The following EPHB6 variants were observed in gnomAD, a reference collection of about 807,000 sequenced individuals.
EPHB6 encodes the protein ephrin type-B receptor 6.
EPHB6 carries 51 observed loss-of-function variants against 107.0 expected under a neutral mutation model. That is an observed-to-expected ratio of 0.48 (90% confidence interval 0.38 to 0.60). EPHB6 has a LOEUF of 0.60. EPHB6 is among the 20% of genes least tolerant of loss of function. The pLI, the probability that EPHB6 is intolerant of heterozygous loss-of-function variation, is 0.00. For synonymous variants in EPHB6, 553 were observed against 549.0 expected (o/e 1.01, Z -0.10); for missense variants, 1,141 against 1,355.5 (o/e 0.84, Z 2.48).
intron 3 of EPHB6, among the ~76,000 whole-genome samples, chr7:142,862,423 T>C (rs1802883743): frequency 6.6e-6 from 1 of 152,222 alleles, no homozygotes; most frequent in Admixed American, 6.5e-5. Flanking sequence ...TAGGAAAACA[T>C]GCACCCCTTG....
In EPHB6 at chr7:142,866,850, G is replaced by A. The variant is rs541435206; in HGVS notation, c.1588-56G>A. On this transcript the variant is annotated intron_variant, in intron 10 of 19. Transcript: ENST00000652003. The surrounding 1 kb of genome is among the most constrained non-coding windows in gnomAD (Gnocchi z 5.2). ...AGGGAGGGTGGCTGGGGGCCTTAGG[G>A]GCAGAAGCAGGGGCAAGAGGGGGCC... The A allele has an allele frequency of 5.6e-5, 91 of 1,613,686 alleles. No homozygotes were observed. In the East Asian group the frequency reaches 1.9e-3, roughly 33 times the overall value.
At chr7:142,860,372 T>A (rs1251430701) in intron 1 of EPHB6, among the ~76,000 whole-genome samples, 1 of 152,248 alleles carries the variant, frequency 6.6e-6, no homozygotes, top group African/African-American at 2.4e-5. Flanking sequence ...AAGGACTCCG[T>A]GACTCTGGTT....
At position 142,870,410 on chromosome 7, in the gene EPHB6, C is replaced by T. The variant is rs566661863; in HGVS notation, c.2804+3C>T. 1 of 1,614,050 alleles carries T rather than the reference C, an allele frequency of 6.2e-7. No homozygotes were observed. The highest frequency in any genetic ancestry group is 2.2e-5 in the East Asian group (1 of 44,880). On this transcript the variant is annotated splice_donor_region_variant and intron_variant, in intron 18 of 19. Transcript: ENST00000652003. ...GCTGGCGGGGACCCAGGGGAAAGGTCTGGAGCTTGGGGCTAGAGCCTGGGA... is the reference window on the plus strand; with the variant it reads ...GCTGGCGGGGACCCAGGGGAAAGGTTTGGAGCTTGGGGCTAGAGCCTGGGA...
Position 142,868,787 on chromosome 7 carries a change from C to CT in EPHB6, c.2286+50dup, listed in dbSNP as rs1482861917. 6.2e-7 allele frequency: 1 copy of CT among 1,613,312 alleles called. No individual in the cohort carries two copies. The highest frequency in any genetic ancestry group is 1.3e-5 in the African/African-American group (1 of 74,918). ...AGGAGGGTCCTTGGGTCCAGGAAAG[C>CT]TTCCAGGAGACGAGGTCCTGTATCT... On this transcript the variant is annotated intron_variant, in intron 15 of 19. Transcript: ENST00000652003. The surrounding 1 kb of genome is among the most constrained non-coding windows in gnomAD (Gnocchi z 4.2).
rs1802926010 is a variant in EPHB6, at chr7:142,863,188, G to T, written c.-40G>T. 1 of 1,581,752 alleles carries T rather than the reference G, an allele frequency of 6.3e-7. No homozygotes were observed. The highest frequency in any genetic ancestry group is 1.1e-5 in the South Asian group (1 of 90,288). ...AGCTGCAGCCCCACCCAGGAGCAGG[G>T]TGGTGGCTGGGGCGATGGTGGACGC... On this transcript the variant is annotated 5_prime_UTR_variant, in exon 5 of 20. Coordinates refer to ENST00000652003, the MANE Select transcript of EPHB6 (RefSeq NM_004445.6).
intron 7 of EPHB6, among the ~76,000 whole-genome samples, chr7:142,865,067 G>A (rs1187449331): frequency 6.6e-6 from 1 of 152,172 alleles, no homozygotes; most frequent in Non-Finnish European, 1.5e-5. Flanking sequence ...GAGTCCTTTG[G>A]TTCCCATTCG....
In EPHB6 at chr7:142,868,452, G is replaced by A; in HGVS notation, c.2039-40G>A. 3 of 1,614,088 alleles carry A rather than the reference G, an allele frequency of 1.9e-6. No homozygotes were observed. Among genetic ancestry groups the A allele is most frequent in the African/African-American group, 2.7e-5 (2 of 74,996 alleles). On this transcript the variant is annotated intron_variant, in intron 14 of 19. Coordinates refer to ENST00000652003, the MANE Select transcript of EPHB6 (RefSeq NM_004445.6). This position sits in a 1 kb window ranked among gnomAD's most constrained non-coding sequence, Gnocchi z 4.2. ...CCATCCAAACACAGCAGGACGCTGTGAGCCTTGATCCCCACCCCAACCTAC... is the reference window on the plus strand; with the variant it reads ...CCATCCAAACACAGCAGGACGCTGTAAGCCTTGATCCCCACCCCAACCTAC...
In EPHB6 at chr7:142,864,639, G is replaced by A. The variant is rs759619979; in HGVS notation, c.839G>A (p.Gly280Asp). 1 of 1,612,388 alleles carries A rather than the reference G, an allele frequency of 6.2e-7. No homozygotes were observed. Among genetic ancestry groups the A allele is most frequent in the Non-Finnish European group, 8.5e-7 (1 of 1,179,530 alleles). Residue 280 changes from glycine (G) to aspartate (D), a missense_variant, in exon 7 of 20, where the codon GGC (glycine) becomes GAC (aspartate). Gly to Asp is a moderately conservative substitution (Grantham distance 94). Transcript: ENST00000652003. ...EEDGVGGQAG[G>D]SPPRLHCNGE... is the part of the protein sequence containing the mutation. ...GATGGAGTAGGGGGCCAGGCAGGAG[G>A]CAGCCCCCCCAGGCTGCACTGCAAC...
At position 142,869,034 on chromosome 7, in the gene EPHB6, G is replaced by A. The variant is rs1265014690; in HGVS notation, c.2347G>A (p.Ala783Thr). The A allele has an allele frequency of 6.2e-7, 1 of 1,612,794 alleles. No homozygotes were observed. Among genetic ancestry groups the A allele is most frequent in the Non-Finnish European group, 8.5e-7 (1 of 1,179,974 alleles). Residue 783 changes from alanine (A) to threonine (T), a missense_variant, in exon 16 of 20, where the codon GCC (alanine) becomes ACC (threonine). Coordinates refer to ENST00000652003, the MANE Select transcript of EPHB6 (RefSeq NM_004445.6). This position sits in a 1 kb window ranked among gnomAD's most constrained non-coding sequence, Gnocchi z 4.5. ...GGCCATGCAGCGGGGAGTGGCTGCT[G>A]CCATGCAGTACCTGTCCAGCTTTGC... ...LVAMQRGVAA[A>T]MQYLSSFAFV... is the part of the protein sequence containing the mutation.
chr7:142,870,741 G>A (rs1586180968), intron 19 of EPHB6, 55 bp from the exon 20 acceptor site: 10 of 1,614,096 alleles, frequency 6.2e-6, no homozygotes, highest in East Asian at 2.2e-5. Context: ...GCTGGGGGTC[G>A]TATTGGGGAT....
rs755465514 is a variant in EPHB6 at position 142,870,718 on chromosome 7, C to G, written c.2960+33C>G. ...GGGAGTGGTGGGGTGGGGGCGAATG[C>G]TCCAGGCCCCTGGCTGGGGGTCGTA... On this transcript the variant is annotated intron_variant, in intron 19 of 19. Transcript: ENST00000652003. The G allele has an allele frequency of 6.8e-6, 11 of 1,614,052 alleles. No individual in the cohort carries two copies. In the Admixed American group the frequency reaches 1.8e-4, roughly 27 times the overall value.
At chr7:142,857,488 C>T (rs942956979) in intron 1 of EPHB6, among the ~76,000 whole-genome samples, 3 of 152,188 alleles carry the variant, frequency 2.0e-5, no homozygotes, top group Non-Finnish European at 4.4e-5. Flanking sequence ...ATTTCCTGGG[C>T]GTTTAACAGC....
intron 1 of EPHB6, among the ~76,000 whole-genome samples, chr7:142,857,292 A>G (rs530982126): frequency 6.6e-6 from 1 of 152,318 alleles, no homozygotes; most frequent in East Asian, 1.9e-4. Flanking sequence ...TGGCTTCTCC[A>G]GCCAAGGAAG....
chr7:142,867,839 G>C lies in EPHB6; in HGVS notation c.1865+117G>C, dbSNP rs1794687287. 7 of 1,425,252 alleles carry C rather than the reference G, an allele frequency of 4.9e-6. No individual in the cohort carries two copies. The Admixed American group carries it at 1.4e-4, about 28-fold the overall frequency. 88.3% of individuals were successfully genotyped at this position (1,425,252 alleles called of 1,614,324 possible). On this transcript the variant is annotated intron_variant, in intron 12 of 19. Coordinates refer to ENST00000652003, the MANE Select transcript of EPHB6 (RefSeq NM_004445.6). The surrounding 1 kb of genome is among the most constrained non-coding windows in gnomAD (Gnocchi z 5.3). ...CCTCACACTGGTGCTCCTCCCGTCA[G>C]CCAGCCCCTGCCCTGGGCCCCACGT...
At position 142,867,875 on chromosome 7, in the gene EPHB6, A is replaced by G; in HGVS notation, c.1866-122A>G. ...CCCTGGGCCCCACGTGGAGATGGGCAGGAGGGCCAGGCTGTCGTCCCCCCT... is the reference window on the plus strand; with the variant it reads ...CCCTGGGCCCCACGTGGAGATGGGCGGGAGGGCCAGGCTGTCGTCCCCCCT... On this transcript the variant is annotated intron_variant, in intron 12 of 19. Coordinates refer to ENST00000652003, the MANE Select transcript of EPHB6 (RefSeq NM_004445.6). This position sits in a 1 kb window ranked among gnomAD's most constrained non-coding sequence, Gnocchi z 5.3. 6.8e-7 allele frequency: 1 copy of G among 1,471,260 alleles called. No individual in the cohort carries two copies. Among genetic ancestry groups the G allele is most frequent in the Non-Finnish European group, 9.3e-7 (1 of 1,076,674 alleles). The allele number at this position is 1,471,260 out of a possible 1,614,324, so 91.1% of individuals were successfully genotyped here.
chr7:142,858,746 G>A (rs1802721833), intron 1 of EPHB6, among the ~76,000 whole-genome samples: 1 of 151,898 alleles, frequency 6.6e-6, no homozygotes, highest in Non-Finnish European at 1.5e-5. Flanking sequence ...TAACTCGTAA[G>A]CTATGCTTTG....
rs201397299 is a variant in EPHB6, at chr7:142,866,072, C to A, written c.1218C>A (p.Val406=). 1.5e-4 allele frequency: 238 copies of A among 1,611,508 alleles called. 1 individual carries two copies. The East Asian group carries it at 5.1e-3, about 34-fold the overall frequency. The change falls in exon 9 of 20, where the codon GTC becomes GTA. Residue 406 remains valine, a synonymous_variant. Transcript: ENST00000652003. This position sits in a 1 kb window ranked among gnomAD's most constrained non-coding sequence, Gnocchi z 5.2. The stretch of plus-strand genomic sequence containing the variant: ...GTCGAGGGGACCTGCTCTTCAATGT[C>A]GTGTGCAAGGAGTGTGAAGGCCGCC... ...LGGRGDLLFN[V]VCKECEGRQE... is the part of the protein sequence containing the mutation.
In EPHB6 at chr7:142,862,842, G is replaced by T; in HGVS notation, c.-102+9G>T. 9 of 203,466 alleles carry T rather than the reference G, an allele frequency of 4.4e-5. No homozygotes were observed. Among genetic ancestry groups the T allele is most frequent in the Non-Finnish European group, 7.0e-5 (7 of 100,588 alleles). 12.6% of individuals were successfully genotyped at this position (203,466 alleles called of 1,614,324 possible). A position where few individuals can be genotyped will look rare whatever the true frequency, so the allele number is the denominator to read the frequency against. ...AGAAAAAAAAAAAAAGGGTAAGATT[G>T]ACCCAGAAACACCCTCTGCCCCACT... is the stretch of plus-strand genomic sequence containing the variant. On this transcript the variant is annotated intron_variant, in intron 4 of 19. Coordinates refer to ENST00000652003, the MANE Select transcript of EPHB6 (RefSeq NM_004445.6).
In EPHB6 at chr7:142,867,594, G is replaced by A. The variant is rs1435548372; in HGVS notation, c.1751-14G>A. 22 of 1,606,486 alleles carry A rather than the reference G, an allele frequency of 1.4e-5. No individual in the cohort carries two copies. The highest frequency in any genetic ancestry group is 6.8e-5 in the Admixed American group (4 of 59,240). ...GACCTGGCCCACCTGTGACCCTGTC[G>A]GCTGGTCCCCCAGGGGAGCTGTCTT... On this transcript the variant is annotated splice_polypyrimidine_tract_variant and intron_variant, in intron 11 of 19. Coordinates refer to ENST00000652003, the MANE Select transcript of EPHB6 (RefSeq NM_004445.6). This position sits in a 1 kb window ranked among gnomAD's most constrained non-coding sequence, Gnocchi z 5.3.
Sources: allele counts gnomAD v4.1 joint callset (sites outside exome capture counted in the v4.1 genomes callset), GRCh38; gene constraint gnomAD v4.1.1; non-coding constraint Gnocchi (gnomAD v3.1); transcripts MANE v1.5; gene names NCBI Gene and HGNC (gene_info 2026-07-23, HGNC 2026-07-21).